FBXO34: variants seen among roughly 807,000 people sequenced by gnomAD.
The protein encoded by FBXO34 is F-box protein 34.
In FBXO34, 12 loss-of-function variants were observed where a neutral mutation model predicts 24.5. That is an observed-to-expected ratio of 0.49 (90% CI 0.31 to 0.79). The LOEUF is 0.79. FBXO34 is among the 30% of genes least tolerant of loss of function. The probability of loss-of-function intolerance (pLI) is 0.04; values close to 1 mark genes in which losing one functional copy is unlikely to be tolerated. For missense variants in FBXO34, 823 were observed against 857.7 expected (o/e 0.96, Z 0.51); for synonymous variants, 320 against 311.9 (o/e 1.03, Z -0.27).
chr14:55,294,038 T>TAA (rs1264798463), intron 1 of FBXO34, among the ~76,000 whole-genome samples: 1 of 152,184 alleles, frequency 6.6e-6, no homozygotes, highest in African/African-American at 2.4e-5. Flanking sequence ...CTTCATTCCT[T>TAA]ACCTCCTTAA....
the FBXO34 span, among the ~76,000 whole-genome samples, chr14:55,442,449 C>T: frequency 6.6e-6 from 1 of 151,606 alleles, no homozygotes; most frequent in Non-Finnish European, 1.5e-5. Context: ...CTAGATTTTG[C>T]TCTCTGAGAG....
rs1199628187 is a variant in FBXO34, at chr14:55,327,907, GGTTTTTTT to G, written c.-10-22473_-10-22466del. On this transcript the variant is annotated intron_variant, in intron 1 of 1. Coordinates refer to ENST00000313833, the MANE Select transcript of FBXO34 (RefSeq NM_017943.4). ...TCATATGATTTTCTTTGTTGTTGTT[GGTTTTTTT>G]TTTTTTTTTTTTTTTTTTTTTTTTT... 1.9e-3 allele frequency among the ~76,000 whole-genome samples: 137 copies of G among 73,850 alleles called. 1 individual carries two copies. Among genetic ancestry groups the G allele is most frequent in the African/African-American group, 6.7e-3 (129 of 19,292 alleles). 48.4% of individuals were successfully genotyped at this position (73,850 alleles called of 152,430 possible).
chr14:55,307,805 AG>A (rs1474480512), intron 1 of FBXO34, among the ~76,000 whole-genome samples: 19 of 152,212 alleles, frequency 1.2e-4, no homozygotes, highest in African/African-American at 4.6e-4. Context: ...TTTTAAGAGA[AG>A]GGGACTGACA....
At chr14:55,298,612 G>A (rs1028350886) in intron 1 of FBXO34, 19 of 1,141,528 alleles carry the variant, frequency 1.7e-5, no homozygotes, top group African/African-American at 3.0e-5. Context: ...GAGCCCAGCC[G>A]GAGCGGGCGT....
At chr14:55,281,316 A>G (rs1881535779) in intron 1 of FBXO34, among the ~76,000 whole-genome samples, 1 of 151,468 alleles carries the variant, frequency 6.6e-6, no homozygotes, top group Non-Finnish European at 1.5e-5. Flanking sequence ...CAGGTGCCAA[A>G]GGCCACATGT....
intron 1 of FBXO34, among the ~76,000 whole-genome samples, chr14:55,300,945 A>G (rs1425220878): frequency 6.6e-6 from 1 of 152,204 alleles, no homozygotes; most frequent in Non-Finnish European, 1.5e-5. Context: ...TTCTTTTGTG[A>G]ATTTTAGAAT....
Position 55,350,945 on chromosome 14 carries a change from G to A in FBXO34, c.555G>A (p.Glu185=). 2 of 1,614,164 alleles carry A rather than the reference G, an allele frequency of 1.2e-6. No homozygotes were observed. Among genetic ancestry groups the A allele is most frequent in the Non-Finnish European group, 1.7e-6 (2 of 1,179,998 alleles). The change falls in exon 2 of 2, where the codon GAG becomes GAA. Residue 185 remains glutamate (E), a synonymous_variant. Coordinates refer to ENST00000313833, the MANE Select transcript of FBXO34 (RefSeq NM_017943.4). ...CTGAGCCTTTTGCATGTGGCATTGA[G>A]CACTGTTCTGTGCACTATGTGAGTG... The part of the protein sequence containing the change: ...YQPEPFACGI[E]HCSVHYVSDS...
intron 1 of FBXO34, among the ~76,000 whole-genome samples, chr14:55,274,968 A>C (rs1466513719): frequency 6.6e-6 from 1 of 152,254 alleles, no homozygotes; most frequent in East Asian, 1.9e-4. Flanking sequence ...CTTTGGAAGC[A>C]ACAAAAACAA....
chr14:55,336,378 G>T (rs1173380328), intron 1 of FBXO34, among the ~76,000 whole-genome samples: 2 of 152,228 alleles, frequency 1.3e-5, no homozygotes, highest in Non-Finnish European at 2.9e-5. Context: ...CTGGGGCTCA[G>T]TTGGGAGGGA....
the FBXO34 span, chr14:55,386,130 C>T: frequency 6.4e-7 from 1 of 1,564,640 alleles, no homozygotes; most frequent in Admixed American, 1.8e-5. Context: ...ACAATTATCT[C>T]TGCAAACAGT....
the FBXO34 span, chr14:55,397,289 A>T: frequency 8.6e-7 from 1 of 1,162,692 alleles, no homozygotes; most frequent in Non-Finnish European, 1.3e-6. Context: ...AGCAATCCGT[A>T]TATCTGCATA....
intron 1 of FBXO34, among the ~76,000 whole-genome samples, chr14:55,286,484 T>C (rs1881764650): frequency 6.6e-6 from 1 of 152,150 alleles, no homozygotes; most frequent in Admixed American, 6.5e-5. Context: ...CTCAGTTTAC[T>C]TACCAAATAT....
chr14:55,418,223 T>C, the FBXO34 span, among the ~76,000 whole-genome samples: 1 of 152,234 alleles, frequency 6.6e-6, no homozygotes, highest in African/African-American at 2.4e-5. Context: ...ATGGGGAGTA[T>C]ATTAGATTCA....
rs192876742 is a variant in FBXO34 at position 55,304,374 on chromosome 14, T to C, written c.-11+32837T>C. ...TTTTTTTTAATTTTTAAGATTTTTT[T>C]GTAGAGACAGGATCTCACTATGTTG... On this transcript the variant is annotated intron_variant, in intron 1 of 1. Transcript: ENST00000313833. Among the ~76,000 whole-genome samples the C allele has an allele frequency of 9.8e-5, 15 of 152,298 alleles. No homozygotes were observed. In the East Asian group the frequency reaches 2.5e-3, roughly 25 times the overall value.
chr14:55,275,513 G>A (rs1566536217), intron 1 of FBXO34, among the ~76,000 whole-genome samples: 1 of 151,914 alleles, frequency 6.6e-6, no homozygotes, highest in Non-Finnish European at 1.5e-5. Flanking sequence ...GCTAGAGTTG[G>A]GTCAAGAGGA....
chr14:55,365,058 TAA>T (rs563260970), downstream of FBXO34, among the ~76,000 whole-genome samples: 88 of 124,438 alleles, frequency 7.1e-4, no homozygotes, highest in Admixed American at 1.0e-3. Context: ...ATCTCTACTT[TAA>T]AAAAAAAAAA....
At chr14:55,414,622 A>G in the FBXO34 span, among the ~76,000 whole-genome samples, 1 of 152,348 alleles carries the variant, frequency 6.6e-6, no homozygotes, top group East Asian at 1.9e-4. Context: ...AACTACAGCC[A>G]TATTTCCACA....
chr14:55,294,513 A>G (rs1185434110), intron 1 of FBXO34, among the ~76,000 whole-genome samples: 1 of 152,170 alleles, frequency 6.6e-6, no homozygotes, highest in Non-Finnish European at 1.5e-5. Flanking sequence ...TTGGCCTCCC[A>G]GAGTGTTGGG....
At chr14:55,292,066 A>G (rs1156990576) in intron 1 of FBXO34, among the ~76,000 whole-genome samples, 1 of 152,220 alleles carries the variant, frequency 6.6e-6, no homozygotes, top group Non-Finnish European at 1.5e-5. Flanking sequence ...ATTCAGAAAC[A>G]TATTTTTAAC....
Sources: gnomAD v4.1 joint callset for allele counts (sites outside exome capture counted in the v4.1 genomes callset) on GRCh38, gnomAD v4.1.1 for gene constraint, MANE v1.5 for transcripts, NCBI Gene and HGNC (gene_info 2026-07-23, HGNC 2026-07-21) for gene names.